Variants in RBM34 observed in about 807,000 individuals in gnomAD.
The protein encoded by RBM34 is RNA binding motif protein 34.
RBM34 carries 39 observed loss-of-function variants against 44.6 expected under a neutral mutation model. The observed-to-expected ratio is 0.87, with a 90% CI of 0.68 to 1.14. RBM34 has a LOEUF of 1.14. Among genes scored for constraint, RBM34 ranks in the 50% most tolerant of loss-of-function variants. The pLI, the probability that RBM34 is intolerant of heterozygous loss-of-function variation, is 0.00. For synonymous variants in RBM34, 194 were observed against 184.0 expected (o/e 1.05, Z -0.44); for missense variants, 572 against 517.9 (o/e 1.10, Z -1.01).
chr1:235,155,170 T>G, intron 3 of RBM34, 58 bp from the exon 4 acceptor site: 1 of 1,390,626 alleles, frequency 7.2e-7, no homozygotes. Context: ...GGTCTAGTAT[T>G]TGACAAAGCA....
intron 8 of RBM34, among the ~76,000 whole-genome samples, chr1:235,136,340 A>C (rs1661429976): frequency 6.6e-6 from 1 of 152,222 alleles, no homozygotes; most frequent in Admixed American, 6.5e-5. Flanking sequence ...GGAGCATGCC[A>C]ACTTTTTCTG....
At chr1:235,154,314 G>C (rs965771078) in intron 4 of RBM34, among the ~76,000 whole-genome samples, 12 of 151,674 alleles carry the variant, frequency 7.9e-5, no homozygotes, top group Non-Finnish European at 1.5e-4. Context: ...GCTCATGCTT[G>C]AAGTCCCAGC....
chr1:235,132,579 T>C (rs1661260469), intron 10 of RBM34, among the ~76,000 whole-genome samples: 1 of 152,176 alleles, frequency 6.6e-6, no homozygotes, highest in Non-Finnish European at 1.5e-5. Context: ...AGTGCTGGGA[T>C]TACAGGCATG....
intron 5 of RBM34, among the ~76,000 whole-genome samples, chr1:235,150,998 G>A (rs536630289): frequency 8.5e-5 from 13 of 152,168 alleles, no homozygotes; most frequent in African/African-American, 9.7e-5. Context: ...TAAGGGTTCC[G>A]GGAAGAAGAG....
intron 10 of RBM34, among the ~76,000 whole-genome samples, chr1:235,133,091 T>C (rs1184699320): frequency 6.6e-6 from 1 of 152,104 alleles, no homozygotes; most frequent in Non-Finnish European, 1.5e-5. Flanking sequence ...CCTATAATCC[T>C]AGCACTCTGG....
At chr1:235,132,058 GA>G (rs1266785100) in intron 10 of RBM34, 61 bp from the exon 11 acceptor site, 2 of 1,440,570 alleles carry the variant, frequency 1.4e-6, no homozygotes, top group Non-Finnish European at 1.9e-6. Context: ...AGAAACTAGT[GA>G]AAGTGTCACT....
intron 6 of RBM34, among the ~76,000 whole-genome samples, chr1:235,146,742 T>C (rs1017323844): frequency 2.0e-5 from 3 of 152,146 alleles, no homozygotes; most frequent in Non-Finnish European, 4.4e-5. Flanking sequence ...TGCCTCAGCC[T>C]CCCAAGTAGC....
chr1:235,153,706 G>A, intron 4 of RBM34, among the ~76,000 whole-genome samples: 1 of 152,182 alleles, frequency 6.6e-6, no homozygotes, highest in Non-Finnish European at 1.5e-5. Flanking sequence ...GATTACAGGT[G>A]TGGGCCACCA....
At chr1:235,144,411 A>G (rs1365144981) in intron 6 of RBM34, among the ~76,000 whole-genome samples, 2 of 151,568 alleles carry the variant, frequency 1.3e-5, no homozygotes, top group Admixed American at 1.3e-4. Context: ...GGACTATGGC[A>G]GTGGTTTCAA....
chr1:235,138,256 A>C, intron 6 of RBM34, 82 bp from the exon 7 acceptor site: 1 of 1,145,826 alleles, frequency 8.7e-7, no homozygotes, highest in Non-Finnish European at 1.2e-6. Context: ...AAAAAAATCT[A>C]GCTGTTTTCA....
intron 4 of RBM34, among the ~76,000 whole-genome samples, chr1:235,153,977 T>G (rs1372248116): frequency 6.6e-6 from 1 of 152,180 alleles, no homozygotes; most frequent in African/African-American, 2.4e-5. Context: ...CTGGGTGCGG[T>G]TGCTCATGCC....
chr1:235,158,689 T>C (rs1662558406), intron 3 of RBM34, among the ~76,000 whole-genome samples: 1 of 152,074 alleles, frequency 6.6e-6, no homozygotes, highest in African/African-American at 2.4e-5. Context: ...TACAAAGGTC[T>C]TCAGTTGAAA....
intron 6 of RBM34, among the ~76,000 whole-genome samples, chr1:235,146,916 C>A (rs575028860): frequency 6.6e-6 from 1 of 152,282 alleles, no homozygotes; most frequent in South Asian, 2.1e-4. Context: ...CCACCACAGC[C>A]AGCCATCATT....
At position 235,137,914 on chromosome 1, in the gene RBM34, A is replaced by C; in HGVS notation, c.812T>G (p.Phe271Cys). The C allele has an allele frequency of 6.2e-7, 1 of 1,605,442 alleles. No individual in the cohort carries two copies. Among genetic ancestry groups the C allele is most frequent in the Non-Finnish European group, 8.5e-7 (1 of 1,173,648 alleles). ...KRNGAQIADG[F>C]RIRVDLASET... ...AGATGCGAGATCAACTCTAATACGA[A>C]ATCCATCTGCAATCTGGGCCCCATT... The change falls in exon 8 of 11, where the codon TTT becomes TGT. Residue 271 changes from phenylalanine (F) to cysteine (C), a missense_variant. Physicochemically the swap from Phe to Cys is radical, Grantham distance 205. Transcript: ENST00000408888.
chr1:235,161,242 T>A lies in RBM34; in HGVS notation c.-16A>T. The A allele has an allele frequency of 6.2e-7, 1 of 1,613,458 alleles. No homozygotes were observed. The highest frequency in any genetic ancestry group is 1.1e-5 in the South Asian group (1 of 91,026). ...CCAAGGCCATTCTTACTCCAAAGAC[T>A]CCCAGACTGCAGCTGCGCGCCAGCT... On this transcript the variant is annotated 5_prime_UTR_variant, in exon 1 of 11. Coordinates refer to ENST00000408888, the MANE Select transcript of RBM34 (RefSeq NM_015014.4).
At chr1:235,156,076 G>A (rs1034365183) in intron 3 of RBM34, among the ~76,000 whole-genome samples, 3 of 149,516 alleles carry the variant, frequency 2.0e-5, no homozygotes, top group Non-Finnish European at 4.4e-5. Context: ...CACTGTGTTG[G>A]CCAGGCTGGT....
Position 235,135,772 on chromosome 1 carries a change from T to C in RBM34, c.890-2A>G. ...TCTCAATGGCAGATTCTTCAACTTC[T>C]GAAAACAAATTCAATCAAAATGGAA... On this transcript the variant is annotated splice_acceptor_variant, in intron 9 of 10. Coordinates refer to ENST00000408888, the MANE Select transcript of RBM34 (RefSeq NM_015014.4). LOFTEE classifies it high-confidence loss of function. 6.2e-7 allele frequency: 1 copy of C among 1,609,900 alleles called. No individual in the cohort carries two copies. The highest frequency in any genetic ancestry group is 8.5e-7 in the Non-Finnish European group (1 of 1,176,236).
Position 235,159,100 on chromosome 1 carries a change from C to G in RBM34, c.365+1411G>C, listed in dbSNP as rs75728532. ...TGGTGGGGCATGCCTATAGTCTAAGCAACACAGGAGGCTGAGGTGGGCGGC... is the reference window on the plus strand; with the variant it reads ...TGGTGGGGCATGCCTATAGTCTAAGGAACACAGGAGGCTGAGGTGGGCGGC... On this transcript the variant is annotated intron_variant, in intron 3 of 10. Transcript: ENST00000408888. Among the ~76,000 whole-genome samples the G allele has an allele frequency of 2.3e-4, 35 of 151,320 alleles. No homozygotes were observed. The East Asian group carries it at 6.8e-3, about 29-fold the overall frequency.
chr1:235,148,340 C>G, intron 6 of RBM34, 64 bp downstream of exon 6: 1 of 1,267,416 alleles, frequency 7.9e-7, no homozygotes. Context: ...AAGAAATGGT[C>G]TCACTTTTTA....
Sources: gnomAD v4.1 joint callset for allele counts (sites outside exome capture counted in the v4.1 genomes callset) on GRCh38, gnomAD v4.1.1 for gene constraint, MANE v1.5 for transcripts, NCBI Gene and HGNC (gene_info 2026-07-23, HGNC 2026-07-21) for gene names.